Variants in EML4 observed in about 807,000 individuals in gnomAD.
EML4 encodes EMAP like 4.
Under a neutral mutation model 129.0 loss-of-function variants are expected in EML4, and 72 were observed. That is an observed-to-expected ratio of 0.56 (90% CI 0.46 to 0.68). The LOEUF is 0.68. Among genes scored for constraint, EML4 ranks in the 30% least tolerant of loss-of-function variants. The probability of loss-of-function intolerance (pLI) is 0.00; values close to 1 mark genes in which losing one functional copy is unlikely to be tolerated. For synonymous variants in EML4, 532 were observed against 405.0 expected, an observed-to-expected ratio of 1.31 and a Z score of -3.77; for missense variants, 1,363 against 1,190.6, an observed-to-expected ratio of 1.14 and a Z score of -2.13.
chr2:42,251,424 G>A (rs950244990), intron 2 of EML4, among the ~76,000 whole-genome samples: 2 of 152,180 alleles, frequency 1.3e-5, no homozygotes, highest in Non-Finnish European at 2.9e-5. Flanking sequence ...ATTTCTATAT[G>A]AGAGTCAAAT....
At chr2:42,309,284 C>A (rs1390819780) in intron 17 of EML4, among the ~76,000 whole-genome samples, 2 of 151,724 alleles carry the variant, frequency 1.3e-5, no homozygotes, top group Non-Finnish European at 2.9e-5. Context: ...TGGCACATGC[C>A]TGTGGTCCCA....
At chr2:42,245,987 T>C (rs1293622446) in intron 2 of EML4, among the ~76,000 whole-genome samples, 1 of 152,224 alleles carries the variant, frequency 6.6e-6, no homozygotes, top group Non-Finnish European at 1.5e-5. Context: ...AATCATCGTT[T>C]TGTGTCTCTC....
At chr2:42,248,164 C>T (rs1039060774) in intron 2 of EML4, among the ~76,000 whole-genome samples, 14 of 151,762 alleles carry the variant, frequency 9.2e-5, no homozygotes, top group African/African-American at 1.5e-4. Flanking sequence ...TTTGTACAGG[C>T]GGAATCTCTC....
intron 1 of EML4, among the ~76,000 whole-genome samples, chr2:42,210,046 A>T (rs1381386635): frequency 6.6e-6 from 1 of 152,164 alleles, no homozygotes. Flanking sequence ...CACACCCCCC[A>T]TTCCCTTATT....
At chr2:42,272,077 CAAA>C (rs35948547) in intron 6 of EML4, among the ~76,000 whole-genome samples, 6 of 101,144 alleles carry the variant, frequency 5.9e-5, no homozygotes, top group Admixed American at 1.1e-4. Flanking sequence ...CACTCCATCT[CAAA>C]AAAAAAAAAA....
Position 42,270,921 on chromosome 2 carries a change from G to A in EML4, c.667+6190G>A, listed in dbSNP as rs180783769. ...ATTTTCTTTTTTATTTTTGAGATAG[G>A]GTCTCACTGTGTTGCCCAGGCTGGA... On this transcript the variant is annotated intron_variant, in intron 6 of 22. Transcript: ENST00000318522. 2.2e-3 allele frequency among the ~76,000 whole-genome samples: 329 copies of A among 152,100 alleles called. 1 individual carries two copies. Among genetic ancestry groups the A allele is most frequent in the African/African-American group, 7.4e-3 (309 of 41,490 alleles).
At chr2:42,222,139 C>G (rs997686154) in intron 1 of EML4, among the ~76,000 whole-genome samples, 21 of 152,058 alleles carry the variant, frequency 1.4e-4, no homozygotes, top group African/African-American at 4.1e-4. Flanking sequence ...AAGATAATTT[C>G]TCAGCCCTAT....
intron 2 of EML4, among the ~76,000 whole-genome samples, chr2:42,252,358 A>G (rs1248862904): frequency 6.6e-6 from 1 of 152,148 alleles, no homozygotes; most frequent in East Asian, 1.9e-4. Context: ...GATGGTTTCC[A>G]CCGTGATTCT....
At chr2:42,267,013 A>G (rs1272314125) in intron 6 of EML4, among the ~76,000 whole-genome samples, 1 of 152,228 alleles carries the variant, frequency 6.6e-6, no homozygotes, top group Non-Finnish European at 1.5e-5. Flanking sequence ...AAACAATGTC[A>G]TGTAGATGTT....
intron 1 of EML4, among the ~76,000 whole-genome samples, chr2:42,223,173 A>G (rs1183953892): frequency 6.6e-6 from 1 of 152,084 alleles, no homozygotes; most frequent in Non-Finnish European, 1.5e-5. Context: ...ACTTGATCCC[A>G]TTTTGATAGG....
intron 6 of EML4, among the ~76,000 whole-genome samples, chr2:42,273,605 A>G (rs560894077): frequency 6.6e-6 from 1 of 152,268 alleles, no homozygotes; most frequent in African/African-American, 2.4e-5. Flanking sequence ...CCACCCCACT[A>G]TGTAATTAAA....
intron 11 of EML4, among the ~76,000 whole-genome samples, chr2:42,290,101 ATAAAGT>A (rs1052984270): frequency 5.1e-4 from 78 of 152,048 alleles, no homozygotes; most frequent in African/African-American, 1.8e-3. Context: ...AATAATAAAA[ATAAAGT>A]TAACTTAATC....
At chr2:42,251,660 A>G (rs528080807) in intron 2 of EML4, among the ~76,000 whole-genome samples, 4 of 152,354 alleles carry the variant, frequency 2.6e-5, no homozygotes, top group Admixed American at 2.6e-4. Flanking sequence ...CCTGAAAATG[A>G]GGAGTGGAAG....
intron 19 of EML4, among the ~76,000 whole-genome samples, chr2:42,324,704 C>T (rs550822110): frequency 6.6e-6 from 1 of 152,214 alleles, no homozygotes; most frequent in Non-Finnish European, 1.5e-5. Context: ...AAATTCAAGT[C>T]TCTGTCAGCT....
At chr2:42,274,647 G>A (rs1186920335) in intron 6 of EML4, among the ~76,000 whole-genome samples, 4 of 152,016 alleles carry the variant, frequency 2.6e-5, no homozygotes, top group African/African-American at 4.8e-5. Flanking sequence ...TTATTTATAC[G>A]TGAGTATGAA....
intron 17 of EML4, among the ~76,000 whole-genome samples, chr2:42,307,471 A>G (rs1668674268): frequency 6.6e-6 from 1 of 152,032 alleles, no homozygotes; most frequent in African/African-American, 2.4e-5. Context: ...TTGGTTTCAG[A>G]TCTGGTTAGG....
chr2:42,256,571 A>G lies in EML4; in HGVS notation c.279A>G (p.Pro93=), dbSNP rs149776472. ...ATGGAAGTGGTGCAAACAGAAAACCAAGTCATACCAGTGCTGTCTCAATTG... is the reference window on the plus strand; with the variant it reads ...ATGGAAGTGGTGCAAACAGAAAACCGAGTCATACCAGTGCTGTCTCAATTG... ...ITNGSGANRK[P]SHTSAVSIAG... The change falls in exon 3 of 23, where the codon CCA becomes CCG. Residue 93 remains proline, a synonymous_variant. Transcript: ENST00000318522. 37 of 1,613,908 alleles carry G rather than the reference A, an allele frequency of 2.3e-5. No homozygotes were observed. Among genetic ancestry groups the G allele is most frequent in the Non-Finnish European group, 3.0e-5 (35 of 1,179,922 alleles).
intron 1 of EML4, among the ~76,000 whole-genome samples, chr2:42,211,437 T>C (rs1672880439): frequency 6.6e-6 from 1 of 152,214 alleles, no homozygotes; most frequent in South Asian, 2.1e-4. Flanking sequence ...GAACATTATC[T>C]ACAGAACAAT....
chr2:42,282,760 G>GA, intron 7 of EML4, 63 bp from the exon 8 acceptor site: 1 of 1,442,710 alleles, frequency 6.9e-7, no homozygotes, highest in Non-Finnish European at 9.7e-7. Context: ...AAGTATCCAT[G>GA]AAAAATCTGT....
Sources: allele counts gnomAD v4.1 joint callset (sites outside exome capture counted in the v4.1 genomes callset), GRCh38; gene constraint gnomAD v4.1.1; transcripts MANE v1.5; gene names NCBI Gene and HGNC (gene_info 2026-07-23, HGNC 2026-07-21).